The following FNIP2 variants were observed in gnomAD, a reference collection of about 807,000 sequenced individuals.
FNIP2 encodes folliculin interacting protein 2, also known as folliculin-interacting protein 2.
Under a neutral mutation model 108.7 loss-of-function variants are expected in FNIP2, and 32 were observed. The observed-to-expected ratio is 0.29, with a 90% confidence interval of 0.22 to 0.40. The LOEUF is 0.40. FNIP2 is among the 10% of genes least tolerant of loss of function. The probability of loss-of-function intolerance (pLI) is 1.00; values close to 1 mark genes in which losing one functional copy is unlikely to be tolerated. For missense variants in FNIP2, 1,202 were observed against 1,381.6 expected (o/e 0.87, Z 2.06); for synonymous variants, 480 against 496.7 (o/e 0.97, Z 0.45).
intron 15 of FNIP2, among the ~76,000 whole-genome samples, chr4:158,891,851 G>C (rs1168923114): frequency 6.6e-6 from 1 of 152,084 alleles, no homozygotes; most frequent in Admixed American, 6.6e-5. Context: ...AACAAGGAGC[G>C]GCACTGGAAT....
intron 1 of FNIP2, chr4:158,806,424 G>T: frequency 7.8e-7 from 1 of 1,287,912 alleles, no homozygotes. Context: ...TCGACAACAG[G>T]TTTGAAACTT....
At chr4:158,865,567 T>TA (rs944344253) in intron 12 of FNIP2, among the ~76,000 whole-genome samples, 9 of 152,218 alleles carry the variant, frequency 5.9e-5, no homozygotes, top group Non-Finnish European at 1.3e-4. Flanking sequence ...AATGCATTGC[T>TA]AAAAAATAAT....
intron 7 of FNIP2, among the ~76,000 whole-genome samples, chr4:158,841,683 A>C (rs13116108): frequency 0.98 from 149,256 of 152,344 alleles, 73,188 homozygotes; most frequent in East Asian, 1. Flanking sequence ...CACTTCCCTA[A>C]CTTCCCCGGG....
At chr4:158,797,536 CAA>C (rs1776628214) in intron 1 of FNIP2, among the ~76,000 whole-genome samples, 1 of 152,000 alleles carries the variant, frequency 6.6e-6, no homozygotes. Flanking sequence ...CCCATGTCTA[CAA>C]AAAACACAAA....
At chr4:158,892,981 C>T (rs991315445) in intron 15 of FNIP2, among the ~76,000 whole-genome samples, 2 of 152,162 alleles carry the variant, frequency 1.3e-5, no homozygotes, top group African/African-American at 2.4e-5. Flanking sequence ...AGAAGGTGCT[C>T]TGAAATACCG....
At chr4:158,841,837 A>G (rs1298942022) in intron 7 of FNIP2, among the ~76,000 whole-genome samples, 2 of 152,262 alleles carry the variant, frequency 1.3e-5, no homozygotes, top group Non-Finnish European at 2.9e-5. Context: ...GGGATATCCC[A>G]CAACTTGCCT....
chr4:158,843,702 A>G (rs755693057), intron 7 of FNIP2, among the ~76,000 whole-genome samples: 1 of 152,208 alleles, frequency 6.6e-6, no homozygotes, highest in South Asian at 2.1e-4. Context: ...GGCTAGTGCA[A>G]AGATGTATCG....
intron 8 of FNIP2, among the ~76,000 whole-genome samples, chr4:158,853,551 G>A (rs938592498): frequency 3.3e-5 from 5 of 152,004 alleles, no homozygotes; most frequent in East Asian, 1.9e-4. Flanking sequence ...GACAGGCGCC[G>A]GTGTGTGATG....
At chr4:158,876,975 G>A (rs1274619979) in intron 14 of FNIP2, among the ~76,000 whole-genome samples, 1 of 150,044 alleles carries the variant, frequency 6.7e-6, no homozygotes. Context: ...TTAGACACAT[G>A]TCTAATTTTG....
At chr4:158,806,040 C>T (rs1578841766) in intron 1 of FNIP2, 1 of 656,666 alleles carries the variant, frequency 1.5e-6, no homozygotes, top group Non-Finnish European at 1.9e-6. Context: ...AATGTTCCAC[C>T]TTTTTTTTTT....
chr4:158,878,246 C>T (rs772220777), intron 14 of FNIP2, among the ~76,000 whole-genome samples: 1 of 152,062 alleles, frequency 6.6e-6, no homozygotes, highest in African/African-American at 2.4e-5. Context: ...CAGATTCACC[C>T]GAGGATGAAA....
chr4:158,861,249 T>A, intron 10 of FNIP2, 93 bp from the exon 11 acceptor site: 1 of 1,391,292 alleles, frequency 7.2e-7, no homozygotes, highest in Non-Finnish European at 9.6e-7. Flanking sequence ...ACTACATAGA[T>A]TCAAGTTGTT....
chr4:158,898,781 CAG>C (rs1782927478), intron 16 of FNIP2, among the ~76,000 whole-genome samples: 1 of 152,192 alleles, frequency 6.6e-6, no homozygotes, highest in South Asian at 2.1e-4. Context: ...CATCTGCAAA[CAG>C]AGACAATTTG....
chr4:158,863,170 C>T (rs754272220), intron 12 of FNIP2, among the ~76,000 whole-genome samples: 9 of 152,204 alleles, frequency 5.9e-5, no homozygotes, highest in Non-Finnish European at 8.8e-5. Flanking sequence ...AGGCCCTGGT[C>T]GGCGAAGGCC....
chr4:158,859,199 T>G lies in FNIP2; in HGVS notation c.1000T>G (p.Phe334Val). The G allele has an allele frequency of 1.2e-6, 2 of 1,612,888 alleles. No individual in the cohort carries two copies. The highest frequency in any genetic ancestry group is 1.7e-6 in the Non-Finnish European group (2 of 1,179,374). The change falls in exon 9 of 17, where the codon TTT becomes GTT. Residue 334 changes from phenylalanine (F) to valine (V), a missense_variant. This residue lies in a region of FNIP2 where 878 missense variants were observed against 990.3 expected (regional missense o/e 0.89). Coordinates refer to ENST00000264433, the MANE Select transcript of FNIP2 (RefSeq NM_020840.3). ...ACAAAGGAATTTCCAGGACTTCTTC[T>G]TTTCTCATTTTCCCCTGTTTGAATC... is the stretch of plus-strand genomic sequence containing the variant. The part of the protein sequence containing the change: ...EAQRNFQDFF[F>V]SHFPLFESHM...
chr4:158,891,568 T>C lies in FNIP2; in HGVS notation c.3072T>C (p.Asp1024=), dbSNP rs1365711847. Residue 1024 remains aspartate, a synonymous_variant, in exon 15 of 17, where the codon GAT becomes GAC. Coordinates refer to ENST00000264433, the MANE Select transcript of FNIP2 (RefSeq NM_020840.3). ...KVTDNMKLGQ[D]VLVSSQVSSL... ...CGGACAACATGAAACTAGGCCAGGA[T>C]GTCCTGGTCTCTAGTCAGGTGTCCA... 1 of 1,612,616 alleles carries C rather than the reference T, an allele frequency of 6.2e-7. No homozygotes were observed.
intron 1 of FNIP2, among the ~76,000 whole-genome samples, chr4:158,813,495 T>C (rs898512535): frequency 6.6e-6 from 1 of 152,260 alleles, no homozygotes; most frequent in African/African-American, 2.4e-5. Context: ...GTGAGGTGTC[T>C]ATTCAGGTCC....
At chr4:158,831,793 C>T in intron 3 of FNIP2, 68 bp from the exon 4 acceptor site, 2 of 988,788 alleles carry the variant, frequency 2.0e-6, no homozygotes, top group South Asian at 2.8e-5. Context: ...GATTAATAAA[C>T]ATTATTTTCT....
At chr4:158,903,638 A>C (rs1323332770) in intron 16 of FNIP2, among the ~76,000 whole-genome samples, 1 of 152,168 alleles carries the variant, frequency 6.6e-6, no homozygotes, top group Non-Finnish European at 1.5e-5. Flanking sequence ...GGCCAGTAGC[A>C]CTAAAAGTAC....
Sources: allele counts gnomAD v4.1 joint callset (sites outside exome capture counted in the v4.1 genomes callset), GRCh38; gene constraint gnomAD v4.1.1; regional missense constraint gnomAD v4.1.1; transcripts MANE v1.5; gene names NCBI Gene and HGNC (gene_info 2026-07-23, HGNC 2026-07-21).